NMU: variants seen among roughly 807,000 people sequenced by gnomAD.
The protein encoded by NMU is neuromedin-U.
In NMU, 29 loss-of-function variants were observed where a neutral mutation model predicts 35.4. That is an observed-to-expected ratio of 0.82 (90% CI 0.61 to 1.12). NMU has a LOEUF of 1.12. Ranked by LOEUF, NMU falls within the 50% of genes most tolerant of loss-of-function variation. The pLI, the probability that NMU is intolerant of heterozygous loss-of-function variation, is 0.00. For synonymous variants in NMU, 78 were observed against 81.3 expected, an observed-to-expected ratio of 0.96 and a Z score of 0.22; for missense variants, 199 against 206.2, an observed-to-expected ratio of 0.97 and a Z score of 0.21.
chr4:55,634,584 CA>C (rs1307565335), intron 1 of NMU, among the ~76,000 whole-genome samples: 7 of 152,158 alleles, frequency 4.6e-5, no homozygotes, highest in Admixed American at 3.9e-4. Context: ...TCACTGCATG[CA>C]AAATTCACTG....
intron 2 of NMU, among the ~76,000 whole-genome samples, chr4:55,629,823 A>G (rs971166167): frequency 6.6e-6 from 1 of 151,752 alleles, no homozygotes; most frequent in Non-Finnish European, 1.5e-5. Flanking sequence ...TGATTTACCT[A>G]TTTTTTTCCC....
intron 9 of NMU, among the ~76,000 whole-genome samples, 152 bp from the exon 10 acceptor site, chr4:55,595,563 T>TATATATATATATATATATACAC (rs755203914): frequency 1.0e-4 from 12 of 120,050 alleles, no homozygotes; most frequent in East Asian, 5.7e-4. Context: ...TATATATATA[T>TATATATATATATATATATACAC]ACACACACAC....
chr4:55,596,839 A>T (rs1733203724), intron 9 of NMU, among the ~76,000 whole-genome samples: 1 of 152,334 alleles, frequency 6.6e-6, no homozygotes, highest in Non-Finnish European at 1.5e-5. Context: ...TGTTCCTGAC[A>T]TTAACGGAAA....
intron 2 of NMU, among the ~76,000 whole-genome samples, chr4:55,624,325 A>G (rs1193753903): frequency 3.5e-5 from 3 of 85,464 alleles, no homozygotes; most frequent in African/African-American, 1.1e-4. Flanking sequence ...TTACAAGAAA[A>G]AAACAAACAA....
chr4:55,604,345 C>T (rs578004955), intron 7 of NMU, among the ~76,000 whole-genome samples: 1 of 151,904 alleles, frequency 6.6e-6, no homozygotes, highest in African/African-American at 2.4e-5. Flanking sequence ...GGATTACAGG[C>T]ATGAGCGACA....
intron 8 of NMU, among the ~76,000 whole-genome samples, chr4:55,599,596 T>C (rs1374892388): frequency 1.3e-5 from 2 of 152,164 alleles, no homozygotes; most frequent in East Asian, 1.9e-4. Context: ...ATTCTCTAAT[T>C]TGCTGTTAGA....
chr4:55,626,440 C>G (rs560580240), intron 2 of NMU, among the ~76,000 whole-genome samples: 1 of 152,222 alleles, frequency 6.6e-6, no homozygotes, highest in Non-Finnish European at 1.5e-5. Context: ...CAGGGTGGCT[C>G]ACACCTGTAA....
At chr4:55,631,841 A>G (rs1195595269) in intron 1 of NMU, among the ~76,000 whole-genome samples, 1 of 139,632 alleles carries the variant, frequency 7.2e-6, no homozygotes, top group Non-Finnish European at 1.6e-5. Flanking sequence ...AGAAGTCATT[A>G]TATGAAAAAG....
Position 55,605,333 on chromosome 4 carries a change from G to A in NMU, c.377C>T (p.Pro126Leu), listed in dbSNP as rs141611343. The A allele has an allele frequency of 1.4e-5, 22 of 1,613,162 alleles. 1 individual carries two copies. Among genetic ancestry groups the A allele is most frequent in the South Asian group, 4.4e-5 (4 of 91,054 alleles). The change falls in exon 7 of 10, where the codon CCG (proline) becomes CTG (leucine). Residue 126 changes from proline to leucine, a missense_variant. Pro to Leu is a moderately conservative substitution (Grantham distance 98). Transcript: ENST00000264218. Reference sequence around the variant, plus strand: ...CAGGTGAGGAACGAGCTGCAGCAACGGATGCACAACTGACGACTGAGAGGA... The same window carrying A: ...CAGGTGAGGAACGAGCTGCAGCAACAGATGCACAACTGACGACTGAGAGGA... Reference protein sequence around the residue: ...KSNVVSSVVHPLLQLVPHLHE... With the variant: ...KSNVVSSVVHLLLQLVPHLHE...
At chr4:55,627,649 A>G (rs1734586236) in intron 2 of NMU, among the ~76,000 whole-genome samples, 1 of 152,184 alleles carries the variant, frequency 6.6e-6, no homozygotes, top group Admixed American at 6.5e-5. Flanking sequence ...GTGTACTACA[A>G]TATTTTAAAC....
chr4:55,636,458 C>G (rs2110219294), upstream of NMU: 1 of 433,178 alleles, frequency 2.3e-6, no homozygotes, highest in Non-Finnish European at 4.0e-6. The surrounding 1 kb of genome is among the most constrained non-coding windows in gnomAD (Gnocchi z 4.0). Context: ...GGACCCGAGC[C>G]CCCTAGCCTG....
At chr4:55,636,332 G>A, upstream of NMU, 1 of 1,256,808 alleles carries the variant, frequency 8.0e-7, no homozygotes, top group African/African-American at 1.6e-5. This position sits in a 1 kb window ranked among gnomAD's most constrained non-coding sequence, Gnocchi z 4.0. Flanking sequence ...TTTAAATCTC[G>A]CGCACAAGTG....
At chr4:55,630,090 T>C (rs1447938710) in intron 2 of NMU, among the ~76,000 whole-genome samples, 1 of 152,066 alleles carries the variant, frequency 6.6e-6, no homozygotes, top group Non-Finnish European at 1.5e-5. Flanking sequence ...ATAGACAATA[T>C]ATTTCTGGAT....
chr4:55,595,967 T>C (rs1733165559), intron 9 of NMU, among the ~76,000 whole-genome samples: 2 of 152,084 alleles, frequency 1.3e-5, no homozygotes, highest in South Asian at 4.2e-4. Flanking sequence ...CTATATATCA[T>C]TTAATCTGTC....
intron 2 of NMU, among the ~76,000 whole-genome samples, chr4:55,619,465 G>A (rs1200866221): frequency 1.5e-5 from 2 of 132,508 alleles, no homozygotes; most frequent in Non-Finnish European, 3.2e-5. Flanking sequence ...ACCGGCTTAA[G>A]AAACGGCGCA....
At chr4:55,604,382 G>A (rs1159493699) in intron 7 of NMU, among the ~76,000 whole-genome samples, 1 of 151,758 alleles carries the variant, frequency 6.6e-6, no homozygotes, top group African/African-American at 2.4e-5. Flanking sequence ...TTAAATGACT[G>A]TAAAATCTCC....
chr4:55,612,452 A>G (rs980727189), intron 3 of NMU, among the ~76,000 whole-genome samples: 1 of 152,188 alleles, frequency 6.6e-6, no homozygotes, highest in African/African-American at 2.4e-5. Flanking sequence ...TAGAAAATAC[A>G]AAACAATAAG....
At chr4:55,614,152 T>C (rs927612530) in intron 3 of NMU, among the ~76,000 whole-genome samples, 3 of 152,186 alleles carry the variant, frequency 2.0e-5, no homozygotes, top group African/African-American at 7.2e-5. Flanking sequence ...ATTCATAATT[T>C]CACAAGTTTC....
At chr4:55,598,131 A>G (rs1297226629) in intron 9 of NMU, among the ~76,000 whole-genome samples, 1 of 41,490 alleles carries the variant, frequency 2.4e-5, no homozygotes, top group Admixed American at 3.8e-4. Context: ...TTCTTGTTCT[A>G]TTGCCTTGGC....
Sources: allele counts gnomAD v4.1 joint callset (sites outside exome capture counted in the v4.1 genomes callset), GRCh38; gene constraint gnomAD v4.1.1; non-coding constraint Gnocchi (gnomAD v3.1); transcripts MANE v1.5; gene names NCBI Gene and HGNC (gene_info 2026-07-23, HGNC 2026-07-21).